The following ZFHX3 variants were observed in gnomAD, a reference collection of about 807,000 sequenced individuals.
ZFHX3 encodes the protein zinc finger homeobox protein 3.
ZFHX3 carries 42 observed loss-of-function variants against 279.1 expected under a neutral mutation model. The observed-to-expected ratio is 0.15, with a 90% CI of 0.12 to 0.19. The LOEUF (loss-of-function observed/expected upper bound fraction) is 0.19. Ranked by LOEUF, ZFHX3 falls within the 10% of genes least tolerant of loss-of-function variation. The pLI is 1.00. For synonymous variants in ZFHX3, 2,293 were observed against 1,957.8 expected, an observed-to-expected ratio of 1.17 and a Z score of -4.52; for missense variants, 4,981 against 4,754.0, an observed-to-expected ratio of 1.05 and a Z score of -1.40.
intron 3 of ZFHX3, among the ~76,000 whole-genome samples, chr16:73,321,232 C>T (rs1366527393): frequency 2.0e-5 from 3 of 152,176 alleles, no homozygotes; most frequent in Non-Finnish European, 4.4e-5. Context: ...TACGCTCTGG[C>T]TTCCTCAGGA....
chr16:73,682,523 C>A (rs575514859), intron 1 of ZFHX3, among the ~76,000 whole-genome samples: 1 of 152,018 alleles, frequency 6.6e-6, no homozygotes, highest in Non-Finnish European at 1.5e-5. Context: ...CGGTGGCTCA[C>A]GCCTGTAATC....
At chr16:73,673,170 C>T (rs760254188) in intron 2 of ZFHX3, among the ~76,000 whole-genome samples, 3 of 152,080 alleles carry the variant, frequency 2.0e-5, no homozygotes, top group Non-Finnish European at 4.4e-5. Context: ...ACAGTGAACA[C>T]ACAGTATTCA....
At chr16:73,252,724 G>A (rs77444733) in intron 5 of ZFHX3, among the ~76,000 whole-genome samples, 2,058 of 152,272 alleles carry the variant, frequency 0.014, 55 homozygotes, top group African/African-American at 0.047. Context: ...GATGAAGAAA[G>A]AAGAGAGACG....
chr16:73,546,740 C>A (rs1457531490), intron 2 of ZFHX3, among the ~76,000 whole-genome samples: 1 of 141,498 alleles, frequency 7.1e-6, no homozygotes, highest in Non-Finnish European at 1.5e-5. Context: ...GCTGCTGTTG[C>A]TTCTTTTTCG....
chr16:73,788,815 A>G (rs1959737606), intron 1 of ZFHX3, among the ~76,000 whole-genome samples: 1 of 151,464 alleles, frequency 6.6e-6, no homozygotes, highest in Non-Finnish European at 1.5e-5. Context: ...TCTACTAAAA[A>G]TGCAAAAAAT....
At chr16:73,048,362 ACAGGGACGCGCGGGACCCGGGCGCT>A (rs1291055201), upstream of ZFHX3, 3 of 151,664 alleles carry the variant, frequency 2.0e-5, no homozygotes, top group South Asian at 6.2e-4. Flanking sequence ...CCGGGGACGC[ACAGGGACGCGCGGGACCCGGGCGCT>A]CAGCTGCGCT....
chr16:73,537,909 C>T (rs868412605), intron 2 of ZFHX3, among the ~76,000 whole-genome samples: 8 of 152,172 alleles, frequency 5.3e-5, no homozygotes, highest in Non-Finnish European at 1.2e-4. Context: ...TTCGACTTAT[C>T]GATACAATCT....
rs922980078 is a variant in ZFHX3, at chr16:73,496,530, T to TAAAC, written c.-1546-40276_-1546-40273dup. On this transcript the variant is annotated intron_variant, in intron 2 of 17. Transcript: ENST00000641206. ...TGGGAGACACAGCGAGACTCCATCT[T>TAAAC]AAACAAACAAACAAAAAAGAAACAC... 2.6e-5 allele frequency among the ~76,000 whole-genome samples: 4 copies of TAAAC among 152,266 alleles called. No homozygotes were observed. The East Asian group carries it at 7.7e-4, about 29-fold the overall frequency.
intron 3 of ZFHX3, among the ~76,000 whole-genome samples, chr16:73,417,705 G>A (rs1017237071): frequency 5.9e-5 from 9 of 151,696 alleles, no homozygotes; most frequent in Admixed American, 2.0e-4. Context: ...GGTGGCTCAC[G>A]CCTGTAATCC....
rs189193508 is a variant in ZFHX3 at position 73,631,749 on chromosome 16, A to G, written c.-1547+48431T>C. Among the ~76,000 whole-genome samples, 33 of 152,278 alleles carry G rather than the reference A, an allele frequency of 2.2e-4. No individual in the cohort carries two copies. In the East Asian group the frequency reaches 6.4e-3, roughly 29 times the overall value. On this transcript the variant is annotated intron_variant, in intron 2 of 17. Transcript: ENST00000641206. ...GTGAAACTCCGTCTGTATAAAAAAT[A>G]TACAAAAATTAGCCAGGGATGGTGG...
chr16:73,366,029 T>C (rs2016523065), intron 3 of ZFHX3, among the ~76,000 whole-genome samples: 1 of 152,090 alleles, frequency 6.6e-6, no homozygotes, highest in African/African-American at 2.4e-5. Context: ...AAACCAAACA[T>C]CCAGCTGAAG....
At chr16:73,391,737 A>C (rs2017016538) in intron 3 of ZFHX3, among the ~76,000 whole-genome samples, 1 of 152,316 alleles carries the variant, frequency 6.6e-6, no homozygotes, top group African/African-American at 2.4e-5. Context: ...CCAGGCTTAG[A>C]GATCAACCAG....
upstream of ZFHX3, among the ~76,000 whole-genome samples, chr16:73,050,106 A>G (rs1273882961): frequency 2.0e-5 from 3 of 152,172 alleles, no homozygotes; most frequent in African/African-American, 7.2e-5. Context: ...TTGCTGCTTT[A>G]TCTTCATTTT....
intron 4 of ZFHX3, among the ~76,000 whole-genome samples, chr16:72,870,405 AAAAAG>A (rs1214419284): frequency 6.6e-6 from 1 of 150,956 alleles, no homozygotes; most frequent in Non-Finnish European, 1.5e-5. Flanking sequence ...GTCTTTAAAA[AAAAAG>A]AAAAAAGAAA....
chr16:73,649,875 C>A (rs1347828086), intron 2 of ZFHX3, among the ~76,000 whole-genome samples: 1 of 152,180 alleles, frequency 6.6e-6, no homozygotes, highest in Non-Finnish European at 1.5e-5. Context: ...TAGAGTAATT[C>A]TGACCCTGGC....
chr16:73,476,493 T>C (rs1014229731), intron 2 of ZFHX3, among the ~76,000 whole-genome samples: 1 of 152,198 alleles, frequency 6.6e-6, no homozygotes, highest in African/African-American at 2.4e-5. Context: ...TTTTTTAATA[T>C]TCAACATCAA....
At chr16:72,919,264 T>C (rs951885991) in intron 3 of ZFHX3, among the ~76,000 whole-genome samples, 2 of 151,970 alleles carry the variant, frequency 1.3e-5, no homozygotes, top group Non-Finnish European at 2.9e-5. Context: ...GCTCAAGCGA[T>C]TCTCCCACCT....
At chr16:73,452,670 C>A (rs1307897795) in intron 3 of ZFHX3, among the ~76,000 whole-genome samples, 2 of 152,152 alleles carry the variant, frequency 1.3e-5, no homozygotes, top group Admixed American at 6.5e-5. Flanking sequence ...TTTGTGAAGA[C>A]CAAAATGTGG....
At chr16:73,832,432 A>G (rs1961022808) in intron 1 of ZFHX3, among the ~76,000 whole-genome samples, 1 of 152,248 alleles carries the variant, frequency 6.6e-6, no homozygotes, top group Non-Finnish European at 1.5e-5. Flanking sequence ...AAGACTAGGG[A>G]TAGAAGACTG....
Sources: gnomAD v4.1 joint callset for allele counts (sites outside exome capture counted in the v4.1 genomes callset) on GRCh38, gnomAD v4.1.1 for gene constraint, MANE v1.5 for transcripts, NCBI Gene and HGNC (gene_info 2026-07-23, HGNC 2026-07-21) for gene names.